Variants in TEX9 observed in about 807,000 individuals in gnomAD.
The protein encoded by TEX9 is testis expressed 9.
A neutral mutation model predicts 59.6 loss-of-function variants in TEX9; 74 were observed. The ratio of observed to expected loss-of-function variants is 1.24; its 90% confidence interval spans 1.03 to 1.51. The LOEUF is 1.51. TEX9 is among the 40% of genes most tolerant of loss of function. The probability of loss-of-function intolerance (pLI) is 0.00; values close to 1 mark genes in which losing one functional copy is unlikely to be tolerated. For missense variants in TEX9, 522 were observed against 447.8 expected, an observed-to-expected ratio of 1.17 and a Z score of -1.49; for synonymous variants, 186 against 152.2, an observed-to-expected ratio of 1.22 and a Z score of -1.64.
intron 1 of TEX9, among the ~76,000 whole-genome samples, chr15:56,315,117 G>C (rs1230197083): frequency 1.3e-5 from 2 of 150,460 alleles, no homozygotes; most frequent in Non-Finnish European, 3.0e-5. Context: ...TTGCCAGTCT[G>C]TGTCTTTTAA....
chr15:56,414,538 C>G (rs2049572846), intron 10 of TEX9, among the ~76,000 whole-genome samples: 1 of 151,298 alleles, frequency 6.6e-6, no homozygotes, highest in African/African-American at 2.4e-5. Context: ...ATAACTGCCT[C>G]TAGCTCCATC....
chr15:56,441,398 T>C (rs1454201695), intron 12 of TEX9, among the ~76,000 whole-genome samples: 4 of 152,318 alleles, frequency 2.6e-5, no homozygotes, highest in Non-Finnish European at 4.4e-5. Context: ...AGGTCAAGTT[T>C]ATTGATATTG....
chr15:56,313,028 G>A (rs1317551776), intron 1 of TEX9, among the ~76,000 whole-genome samples: 1 of 137,526 alleles, frequency 7.3e-6, no homozygotes, highest in African/African-American at 2.7e-5. Flanking sequence ...TTGCTTATCA[G>A]CTTAAGGAGA....
At chr15:56,284,028 A>G (rs1596064883) in intron 1 of TEX9, among the ~76,000 whole-genome samples, 1 of 152,240 alleles carries the variant, frequency 6.6e-6, no homozygotes, top group Admixed American at 6.5e-5. Flanking sequence ...GCAATGTCTA[A>G]TATTATTAAT....
intron 10 of TEX9, among the ~76,000 whole-genome samples, chr15:56,414,741 C>T (rs1311802185): frequency 5.9e-5 from 9 of 151,686 alleles, no homozygotes; most frequent in Admixed American, 6.6e-5. Flanking sequence ...GATTTATATT[C>T]CTCTGGGTAT....
intron 1 of TEX9, among the ~76,000 whole-genome samples, chr15:56,325,897 A>T (rs2046010040): frequency 6.6e-6 from 1 of 152,224 alleles, no homozygotes; most frequent in South Asian, 2.1e-4. Context: ...CTGTGCATTT[A>T]CCATTTGCAC....
intron 12 of TEX9, among the ~76,000 whole-genome samples, chr15:56,434,701 A>T (rs79167969): frequency 0.013 from 2,001 of 152,164 alleles, 39 homozygotes; most frequent in African/African-American, 0.039. Flanking sequence ...TTTTTTGCAC[A>T]CCTGAGTTTA....
intron 1 of TEX9, among the ~76,000 whole-genome samples, chr15:56,316,392 C>T (rs2045763089): frequency 6.6e-6 from 1 of 151,438 alleles, no homozygotes; most frequent in African/African-American, 2.4e-5. Flanking sequence ...AGCTGCAGGT[C>T]TGTTGGAGTA....
At chr15:56,347,513 A>G (rs1276686152) in intron 1 of TEX9, among the ~76,000 whole-genome samples, 2 of 151,846 alleles carry the variant, frequency 1.3e-5, no homozygotes, top group Non-Finnish European at 2.9e-5. Flanking sequence ...TTCCAGAGCA[A>G]CTGGAAACCC....
chr15:56,294,316 T>C (rs1596070596), intron 1 of TEX9, among the ~76,000 whole-genome samples: 1 of 152,246 alleles, frequency 6.6e-6, no homozygotes, highest in African/African-American at 2.4e-5. Context: ...TTTTCCTTCC[T>C]TTCCTTTCCT....
upstream of TEX9, among the ~76,000 whole-genome samples, chr15:56,361,330 T>A (rs1299861604): frequency 6.6e-6 from 1 of 152,234 alleles, no homozygotes; most frequent in African/African-American, 2.4e-5. Flanking sequence ...TTCTAATATA[T>A]GCATTGAATG....
chr15:56,379,147 A>T (rs2047605860), intron 3 of TEX9, among the ~76,000 whole-genome samples: 1 of 151,940 alleles, frequency 6.6e-6, no homozygotes, highest in South Asian at 2.1e-4. Flanking sequence ...TAAGTCATTT[A>T]TTTGAAGTTT....
chr15:56,437,966 C>T (rs1087764), intron 12 of TEX9, among the ~76,000 whole-genome samples: 11 of 151,848 alleles, frequency 7.2e-5, no homozygotes, highest in Admixed American at 1.3e-4. Flanking sequence ...AAATAAAAGA[C>T]GACACAAACA....
At chr15:56,400,198 T>C (rs2142434868) in intron 9 of TEX9, among the ~76,000 whole-genome samples, 1 of 152,220 alleles carries the variant, frequency 6.6e-6, no homozygotes, top group East Asian at 1.9e-4. Flanking sequence ...TAAAGGATCA[T>C]GATGTTCTAA....
intron 9 of TEX9, among the ~76,000 whole-genome samples, chr15:56,410,987 T>C (rs1347040462): frequency 6.6e-6 from 1 of 152,230 alleles, no homozygotes; most frequent in Non-Finnish European, 1.5e-5. Context: ...GCATGTGTTT[T>C]GTTTTGTTTT....
chr15:56,365,529 C>A (rs551145314), intron 1 of TEX9, 50 bp from the exon 2 acceptor site: 3 of 1,614,202 alleles, frequency 1.9e-6, no homozygotes, highest in African/African-American at 2.7e-5. Context: ...GCGACTAGGA[C>A]GCCTAACTTC....
At position 56,394,012 on chromosome 15, in the gene TEX9, A is replaced by G. The variant is rs527950231; in HGVS notation, c.572-153A>G. Reference sequence around the variant, plus strand: ...ATTCGTCATTGACCTTTTCATTAGGACTGTTGAGTACCTATAGTGCCCCCT... The same window carrying G: ...ATTCGTCATTGACCTTTTCATTAGGGCTGTTGAGTACCTATAGTGCCCCCT... On this transcript the variant is annotated intron_variant, in intron 7 of 12. Coordinates refer to ENST00000352903, the Ensembl canonical transcript of TEX9. The G allele has an allele frequency of 7.7e-5, 42 of 542,242 alleles. 1 individual carries two copies. In the South Asian group the frequency reaches 9.8e-4, roughly 13 times the overall value. The allele number at this position is 542,242 out of a possible 1,614,324, so 33.6% of individuals were successfully genotyped here. A position where few individuals can be genotyped will look rare whatever the true frequency, so the allele number is the denominator to read the frequency against.
At chr15:56,425,443 A>C (rs562160490) in intron 10 of TEX9, among the ~76,000 whole-genome samples, 16 of 152,098 alleles carry the variant, frequency 1.1e-4, no homozygotes, top group Non-Finnish European at 2.2e-4. Context: ...CTCATTTCAA[A>C]TGACCTGTCT....
rs1668280258 is a variant in TEX9 at position 56,267,385 on chromosome 15, G to T, written c.-107+23107G>T. Among the ~76,000 whole-genome samples the T allele has an allele frequency of 8.5e-5, 13 of 152,288 alleles. No homozygotes were observed. In the South Asian group the frequency reaches 2.7e-3, roughly 32 times the overall value. On this transcript the variant is annotated intron_variant, in intron 1 of 5. Coordinates refer to the TEX9 transcript ENST00000560827. ...TCTTGCCATTGCTTTTGGTGTTTTA[G>T]TCATGAAGTCCTTGCCCATGCCTAT...
Sources: gnomAD v4.1 joint callset for allele counts (sites outside exome capture counted in the v4.1 genomes callset) on GRCh38, gnomAD v4.1.1 for gene constraint, MANE v1.5 for transcripts, NCBI Gene and HGNC (gene_info 2026-07-23, HGNC 2026-07-21) for gene names.